Variants in TXNDC16 observed in about 807,000 individuals in gnomAD.
TXNDC16 encodes thioredoxin domain containing 16, also known as thioredoxin domain-containing protein 16.
A neutral mutation model predicts 85.6 loss-of-function variants in TXNDC16; 74 were observed. That is an observed-to-expected ratio of 0.86 (90% CI 0.72 to 1.05). The LOEUF (loss-of-function observed/expected upper bound fraction) is 1.05, where lower values mean the gene tolerates loss of function less well. Ranked by LOEUF, TXNDC16 falls within the 50% of genes least tolerant of loss-of-function variation. The pLI is 0.00. For synonymous variants in TXNDC16, 335 were observed against 326.5 expected (o/e 1.03, Z -0.28); for missense variants, 959 against 947.0 (o/e 1.01, Z -0.17).
At chr14:52,537,498 C>T in intron 5 of TXNDC16, 101 bp downstream of exon 5, 1 of 853,598 alleles carries the variant, frequency 1.2e-6, no homozygotes, top group Non-Finnish European at 1.9e-6. Flanking sequence ...CATGATCCCC[C>T]CTACATATGA....
rs1566582158 is a variant in TXNDC16 at position 52,530,324 on chromosome 14, T to TA, written c.392+6394_392+6395insT. Among the ~76,000 whole-genome samples the TA allele has an allele frequency of 4.5e-4, 23 of 51,212 alleles. 3 individuals carry two copies. The highest frequency in any genetic ancestry group is 1.9e-3 in the South Asian group (2 of 1,070). 33.6% of individuals were successfully genotyped at this position (51,212 alleles called of 152,430 possible). A position where few individuals can be genotyped will look rare whatever the true frequency, so the allele number is the denominator to read the frequency against. On this transcript the variant is annotated intron_variant, in intron 6 of 20. Transcript: ENST00000281741. ...ATATTAATATATAATATATAATTAT[T>TA]TTTATATTATATATAATTATATATT...
chr14:52,501,538 T>A (rs1000991763), intron 9 of TXNDC16, among the ~76,000 whole-genome samples: 5 of 152,168 alleles, frequency 3.3e-5, no homozygotes, highest in African/African-American at 1.2e-4. Flanking sequence ...AGGGCTTGTA[T>A]ATAGAATAAT....
Position 52,506,527 on chromosome 14 carries a change from C to CTTT in TXNDC16, c.756+4710_756+4712dup, listed in dbSNP as rs765293725. ...AGGCCTTTGACAAATTTCAACAACC[C>CTTT]TTTTTTTTTTTTTTTTTTTTTTTTC... On this transcript the variant is annotated intron_variant, in intron 9 of 20. Transcript: ENST00000281741. Among the ~76,000 whole-genome samples, 534 of 97,532 alleles carry CTTT rather than the reference C, an allele frequency of 5.5e-3. 11 individuals are homozygous for CTTT. Among genetic ancestry groups the CTTT allele is most frequent in the African/African-American group, 0.015 (343 of 22,824 alleles). The allele number at this position is 97,532 out of a possible 152,430, so 64.0% of individuals were successfully genotyped here.
At chr14:52,445,193 T>C (rs999923473) in intron 18 of TXNDC16, among the ~76,000 whole-genome samples, 3 of 152,300 alleles carry the variant, frequency 2.0e-5, no homozygotes, top group African/African-American at 7.2e-5. Context: ...CCAAAAATAC[T>C]ACACTATGTA....
chr14:52,434,103 C>T (rs1368851381), intron 20 of TXNDC16, among the ~76,000 whole-genome samples: 1 of 152,192 alleles, frequency 6.6e-6, no homozygotes, highest in African/African-American at 2.4e-5. Context: ...GCGGAAGGTA[C>T]ACTTGAGCCC....
chr14:52,473,373 A>G (rs2035951808), intron 14 of TXNDC16, among the ~76,000 whole-genome samples: 1 of 152,058 alleles, frequency 6.6e-6, no homozygotes, highest in Non-Finnish European at 1.5e-5. Flanking sequence ...CACGTTACAT[A>G]TTTTGCCACC....
chr14:52,487,901 C>A (rs1372103585), intron 12 of TXNDC16, among the ~76,000 whole-genome samples: 2 of 152,190 alleles, frequency 1.3e-5, no homozygotes, highest in African/African-American at 4.8e-5. Flanking sequence ...ACTGAAATAA[C>A]TGTTTAAACG....
intron 6 of TXNDC16, among the ~76,000 whole-genome samples, chr14:52,524,081 C>G (rs1457822066): frequency 6.6e-6 from 1 of 152,146 alleles, no homozygotes; most frequent in African/African-American, 2.4e-5. Context: ...TGTGTAGGAA[C>G]AAATCTGATA....
At chr14:52,541,747 G>C (rs2037835917) in intron 4 of TXNDC16, among the ~76,000 whole-genome samples, 1 of 152,066 alleles carries the variant, frequency 6.6e-6, no homozygotes, top group Non-Finnish European at 1.5e-5. Flanking sequence ...TCAGTTGTCT[G>C]ATATATAAAT....
intron 16 of TXNDC16, among the ~76,000 whole-genome samples, chr14:52,463,167 T>C (rs1047813753): frequency 2.0e-5 from 3 of 151,264 alleles, no homozygotes; most frequent in Non-Finnish European, 2.9e-5. Context: ...GTCCAGTTTC[T>C]GTAACAACTT....
At chr14:52,540,222 G>A (rs950069869) in intron 4 of TXNDC16, among the ~76,000 whole-genome samples, 13 of 152,266 alleles carry the variant, frequency 8.5e-5, no homozygotes, top group African/African-American at 3.1e-4. Flanking sequence ...TCTTCATCCT[G>A]CCTCTTGCTA....
rs557814760 is a variant in TXNDC16, at chr14:52,482,276, G to A, written c.1266C>T (p.Ser422=). Residue 422 remains serine, a synonymous_variant, in exon 14 of 21, where the codon TCC becomes TCT. Coordinates refer to ENST00000281741, the MANE Select transcript of TXNDC16 (RefSeq NM_020784.3). ...CAATATAGGATTGCAAAAATGCCAT[G>A]GATACTGCTTGCCCTATATGAAAAT... is the stretch of plus-strand genomic sequence containing the variant. ...VLFYAGWQAV[S]MAFLQSYIDV... 1.9e-6 allele frequency: 3 copies of A among 1,611,658 alleles called. No homozygotes were observed. The highest frequency in any genetic ancestry group is 2.7e-5 in the African/African-American group (2 of 74,920).
At chr14:52,504,185 A>G (rs8005123) in intron 9 of TXNDC16, among the ~76,000 whole-genome samples, 75,714 of 151,910 alleles carry the variant, frequency 0.5, 19,582 homozygotes, top group East Asian at 0.7. Context: ...GTCTAGCAAG[A>G]CAGGCCAACA....
At chr14:52,451,073 G>T (rs2035399667) in intron 18 of TXNDC16, among the ~76,000 whole-genome samples, 1 of 151,710 alleles carries the variant, frequency 6.6e-6, no homozygotes, top group African/African-American at 2.4e-5. Flanking sequence ...AAGCTATGAG[G>T]ACACAAAAGC....
chr14:52,549,965 A>G (rs748118688), intron 1 of TXNDC16, among the ~76,000 whole-genome samples: 6 of 152,170 alleles, frequency 3.9e-5, no homozygotes, highest in Non-Finnish European at 8.8e-5. Flanking sequence ...AATGTTTGAA[A>G]GACTACTGTG....
Position 52,493,242 on chromosome 14 carries a change from A to G in TXNDC16, c.757-2237T>C, listed in dbSNP as rs183753296. On this transcript the variant is annotated intron_variant, in intron 9 of 20. Coordinates refer to ENST00000281741, the MANE Select transcript of TXNDC16 (RefSeq NM_020784.3). ...ACACACACACACACACACATATTTAAAAGTCACCAAGTCCCACCAATGTTA... is the reference window on the plus strand; with the variant it reads ...ACACACACACACACACACATATTTAGAAGTCACCAAGTCCCACCAATGTTA... 3.3e-3 allele frequency among the ~76,000 whole-genome samples: 457 copies of G among 139,410 alleles called. 4 individuals are homozygous for G. The highest frequency in any genetic ancestry group is 0.013 in the African/African-American group (438 of 33,670). 91.5% of individuals were successfully genotyped at this position (139,410 alleles called of 152,430 possible). A position where few individuals can be genotyped will look rare whatever the true frequency, so the allele number is the denominator to read the frequency against.
chr14:52,500,618 T>A (rs2036635009), intron 9 of TXNDC16, among the ~76,000 whole-genome samples: 2 of 152,062 alleles, frequency 1.3e-5, no homozygotes, highest in African/African-American at 4.8e-5. Context: ...TTTACAACAA[T>A]GGAAAAAAAG....
intron 18 of TXNDC16, among the ~76,000 whole-genome samples, chr14:52,442,369 G>C (rs1453607772): frequency 6.6e-6 from 1 of 152,120 alleles, no homozygotes; most frequent in African/African-American, 2.4e-5. Flanking sequence ...GCTAAGCAGG[G>C]GGAAGGAGTG....
In TXNDC16 at chr14:52,432,598, G is replaced by A; in HGVS notation, c.2195-11C>T. ...GAGCAGGTAAAATTGCTGGAAGGAA[G>A]AAACAATCAAAGGTTAAAGATTAAC... On this transcript the variant is annotated splice_polypyrimidine_tract_variant and intron_variant, in intron 20 of 20. Coordinates refer to ENST00000281741, the MANE Select transcript of TXNDC16 (RefSeq NM_020784.3). 1 of 1,589,258 alleles carries A rather than the reference G, an allele frequency of 6.3e-7. No homozygotes were observed. The highest frequency in any genetic ancestry group is 2.3e-5 in the East Asian group (1 of 44,106).
Sources: gnomAD v4.1 joint callset for allele counts (sites outside exome capture counted in the v4.1 genomes callset) on GRCh38, gnomAD v4.1.1 for gene constraint, MANE v1.5 for transcripts, NCBI Gene and HGNC (gene_info 2026-07-23, HGNC 2026-07-21) for gene names.